Variants in ARHGAP32 observed in about 807,000 individuals in gnomAD.
ARHGAP32 encodes the protein Rho GTPase activating protein 32, also known as rho GTPase-activating protein 32.
Under a neutral mutation model 186.5 loss-of-function variants are expected in ARHGAP32, and 51 were observed. The observed-to-expected ratio is 0.27, with a 90% CI of 0.22 to 0.35. The LOEUF is 0.35. ARHGAP32 is among the 10% of genes least tolerant of loss of function. The pLI, the probability that ARHGAP32 is intolerant of heterozygous loss-of-function variation, is 1.00. For missense variants in ARHGAP32, 2,186 were observed against 2,623.5 expected (o/e 0.83, Z 3.64); for synonymous variants, 950 against 964.3 (o/e 0.99, Z 0.27).
At chr11:129,012,596 C>G (rs749768796) in intron 11 of ARHGAP32, among the ~76,000 whole-genome samples, 24 of 151,654 alleles carry the variant, frequency 1.6e-4, no homozygotes, top group Non-Finnish European at 2.9e-4. Flanking sequence ...ATCCCTGAGT[C>G]AGACTCTTGT....
At chr11:129,121,250 C>T (rs145113507) in intron 5 of ARHGAP32, among the ~76,000 whole-genome samples, 1 of 151,836 alleles carries the variant, frequency 6.6e-6, no homozygotes, top group Non-Finnish European at 1.5e-5. Flanking sequence ...AAAGAGAGAA[C>T]AGCAACCCAA....
At chr11:129,148,857 A>T (rs1943227292) in intron 2 of ARHGAP32, among the ~76,000 whole-genome samples, 1 of 152,080 alleles carries the variant, frequency 6.6e-6, no homozygotes, top group Non-Finnish European at 1.5e-5. Flanking sequence ...TATATAGAAC[A>T]ACAGAGGCAA....
intron 1 of ARHGAP32, among the ~76,000 whole-genome samples, chr11:129,179,138 T>C (rs891142410): frequency 6.6e-6 from 1 of 151,922 alleles, no homozygotes; most frequent in Non-Finnish European, 1.5e-5. Context: ...GCGAAGGACA[T>C]GAACAGACAC....
intron 1 of ARHGAP32, among the ~76,000 whole-genome samples, chr11:129,251,603 G>T (rs975222732): frequency 6.6e-6 from 1 of 151,874 alleles, no homozygotes; most frequent in Non-Finnish European, 1.5e-5. Context: ...ATTTATCAAA[G>T]AAATAAAGCA....
chr11:129,152,694 T>C (rs1205242723), intron 2 of ARHGAP32, among the ~76,000 whole-genome samples: 1 of 152,132 alleles, frequency 6.6e-6, no homozygotes, highest in Non-Finnish European at 1.5e-5. Flanking sequence ...TATCCCTTTA[T>C]GATTAAAACC....
Position 128,969,095 on chromosome 11 carries a change from G to A in ARHGAP32, c.6118C>T (p.Leu2040=). The part of the protein sequence containing the change: ...SVTVVSQYDN[L]EDYHSLPQHQ... Reference sequence around the variant, plus strand: ...TGAGGCAGGGAGTGGTAATCTTCCAGGTTATCATACTGGGACACAACAGTC... The same window carrying A: ...TGAGGCAGGGAGTGGTAATCTTCCAAGTTATCATACTGGGACACAACAGTC... The change falls in exon 23 of 23, where the codon CTG becomes TTG. Residue 2040 remains leucine, a synonymous_variant. Coordinates refer to ENST00000682385, the MANE Select transcript of ARHGAP32 (RefSeq NM_001378024.1). The surrounding 1 kb of genome is among the most constrained non-coding windows in gnomAD (Gnocchi z 4.8). 1 of 1,606,372 alleles carries A rather than the reference G, an allele frequency of 6.2e-7. No homozygotes were observed. The highest frequency in any genetic ancestry group is 8.5e-7 in the Non-Finnish European group (1 of 1,174,476).
chr11:129,168,624 TG>T (rs1237112595), intron 1 of ARHGAP32, among the ~76,000 whole-genome samples: 3 of 152,170 alleles, frequency 2.0e-5, no homozygotes, highest in Admixed American at 6.5e-5. Flanking sequence ...CAGACAAAAC[TG>T]TAAGTATATG....
Position 128,980,858 on chromosome 11 carries a change from C to T in ARHGAP32, c.1781-110G>A. 12 of 849,866 alleles carry T rather than the reference C, an allele frequency of 1.4e-5. No individual in the cohort carries two copies. In the South Asian group the frequency reaches 2.6e-4, roughly 18 times the overall value. 52.6% of individuals were successfully genotyped at this position (849,866 alleles called of 1,614,324 possible). ...CCTATCTGTTGTTTCAAATTTTCTT[C>T]AAGTATGTTAAATAGCAAAAACCAT... On this transcript the variant is annotated intron_variant, in intron 17 of 22. Coordinates refer to ENST00000682385, the MANE Select transcript of ARHGAP32 (RefSeq NM_001378024.1).
chr11:128,973,497 C>G, intron 21 of ARHGAP32, 65 bp from the exon 22 acceptor site: 1 of 1,537,968 alleles, frequency 6.5e-7, no homozygotes. Flanking sequence ...AAATGGAAAG[C>G]CAAACACTCC....
chr11:129,195,617 T>C (rs1007732953), upstream of ARHGAP32, among the ~76,000 whole-genome samples: 10 of 152,188 alleles, frequency 6.6e-5, no homozygotes, highest in African/African-American at 2.4e-4. Flanking sequence ...CACAAACTCC[T>C]GACCTCAAGT....
intron 1 of ARHGAP32, among the ~76,000 whole-genome samples, chr11:129,211,392 T>C (rs1944580640): frequency 6.6e-6 from 1 of 152,176 alleles, no homozygotes; most frequent in Non-Finnish European, 1.5e-5. Flanking sequence ...TTTGAACCAA[T>C]ATCAATATTT....
At chr11:129,080,818 T>A (rs1941197583) in intron 6 of ARHGAP32, among the ~76,000 whole-genome samples, 1 of 151,458 alleles carries the variant, frequency 6.6e-6, no homozygotes, top group Non-Finnish European at 1.5e-5. Context: ...AAGAAAAAGC[T>A]GGTTCTTTGA....
At chr11:129,167,530 A>G (rs1382727788) in intron 1 of ARHGAP32, among the ~76,000 whole-genome samples, 1 of 152,228 alleles carries the variant, frequency 6.6e-6, no homozygotes, top group Non-Finnish European at 1.5e-5. Flanking sequence ...AATATTATTC[A>G]GTCATTAAAA....
chr11:129,139,616 T>A (rs1414612934), intron 2 of ARHGAP32, among the ~76,000 whole-genome samples: 2 of 152,032 alleles, frequency 1.3e-5, no homozygotes, highest in African/African-American at 4.8e-5. Flanking sequence ...AATGAGTAAG[T>A]CTCACGAGAT....
At chr11:129,156,228 G>A (rs866893394) in intron 2 of ARHGAP32, among the ~76,000 whole-genome samples, 9 of 152,138 alleles carry the variant, frequency 5.9e-5, no homozygotes, top group African/African-American at 2.2e-4. Flanking sequence ...CGCCTGGAAT[G>A]CCAACAAGAC....
intron 2 of ARHGAP32, among the ~76,000 whole-genome samples, chr11:129,137,000 T>C (rs1439198937): frequency 3.3e-5 from 5 of 151,888 alleles, no homozygotes; most frequent in South Asian, 2.1e-4. Context: ...AACTAAAGGG[T>C]GAGAACAACC....
chr11:129,073,453 GATGGA>G, intron 6 of ARHGAP32, among the ~76,000 whole-genome samples: 1 of 152,302 alleles, frequency 6.6e-6, no homozygotes, highest in South Asian at 2.1e-4. Context: ...GAATGTCTTT[GATGGA>G]TTCATTAGTT....
intron 6 of ARHGAP32, among the ~76,000 whole-genome samples, chr11:129,071,261 T>C (rs1296496206): frequency 6.6e-6 from 1 of 151,692 alleles, no homozygotes; most frequent in Non-Finnish European, 1.5e-5. Flanking sequence ...GCAAAGAAAA[T>C]GATTATCAGG....
chr11:129,120,921 T>C (rs900642577), intron 5 of ARHGAP32, among the ~76,000 whole-genome samples: 2 of 152,134 alleles, frequency 1.3e-5, no homozygotes, highest in Non-Finnish European at 2.9e-5. Context: ...CTGCCCAGCA[T>C]ACAACTGATG....
Sources: gnomAD v4.1 joint callset for allele counts (sites outside exome capture counted in the v4.1 genomes callset) on GRCh38, gnomAD v4.1.1 for gene constraint, Gnocchi (gnomAD v3.1) non-coding constraint, MANE v1.5 for transcripts, NCBI Gene and HGNC (gene_info 2026-07-23, HGNC 2026-07-21) for gene names.